The following AGAP3 variants were observed in gnomAD, a reference collection of about 807,000 sequenced individuals.
AGAP3 encodes ArfGAP with GTPase domain, ankyrin repeat and PH domain 3, also known as arf-GAP with GTPase, ANK repeat and PH domain-containing protein 3.
In AGAP3, 24 loss-of-function variants were observed where a neutral mutation model predicts 96.9. The ratio of observed to expected loss-of-function variants is 0.25; its 90% CI spans 0.18 to 0.35. The LOEUF is 0.35. AGAP3 is among the 10% of genes least tolerant of loss of function. The pLI, the probability that AGAP3 is intolerant of heterozygous loss-of-function variation, is 1.00. For missense variants in AGAP3, 876 were observed against 1,254.2 expected (o/e 0.70, Z 4.55); for synonymous variants, 563 against 536.1 (o/e 1.05, Z -0.69).
intron 10 of AGAP3, chr7:151,131,283 A>C (rs909975353): frequency 6.6e-6 from 1 of 152,254 alleles, no homozygotes; most frequent in Non-Finnish European, 1.5e-5. Context: ...TTCTATCTGC[A>C]ACATCAATTA....
At chr7:151,125,227 GAC>G (rs1436263943) in intron 9 of AGAP3, among the ~76,000 whole-genome samples, 1 of 152,198 alleles carries the variant, frequency 6.6e-6, no homozygotes. Context: ...TGGGTGTGTA[GAC>G]ACACTTCACC....
At position 151,115,399 on chromosome 7, in the gene AGAP3, G is replaced by A. The variant is rs568961134; in HGVS notation, c.332-1394G>A. On this transcript the variant is annotated intron_variant, in intron 1 of 17. Transcript: ENST00000397238. ...CGCTCCGAGTCAGGGCTGCTGGCCC[G>A]GCCGCCGCGCGCGCGCACCCGTAGC... 3.4e-3 allele frequency: 3,454 copies of A among 1,019,430 alleles called. 95 individuals carry two copies. The African/African-American group carries it at 0.054, about 16-fold the overall frequency. 63.1% of individuals were successfully genotyped at this position (1,019,430 alleles called of 1,614,324 possible).
In AGAP3 at chr7:151,142,521, T is replaced by A; in HGVS notation, c.2160T>A (p.Asp720Glu). ...HLSRVRSLDLDDWPPELLAVM... is the reference protein window; with the variant it reads ...HLSRVRSLDLEDWPPELLAVM... ...CCCGGGTGCGCTCCCTTGACCTCGA[T>A]GACTGGCCGCCTGAGCTGCTGGCTG... The change falls in exon 16 of 18, where the codon GAT becomes GAA. Residue 720 changes from aspartate to glutamate, a missense_variant. By Grantham distance (45) the Asp-to-Glu change is conservative (BLOSUM62 2). Transcript: ENST00000397238. The surrounding 1 kb of genome is among the most constrained non-coding windows in gnomAD (Gnocchi z 7.5). The A allele has an allele frequency of 6.2e-7, 1 of 1,613,744 alleles. No homozygotes were observed. Among genetic ancestry groups the A allele is most frequent in the Non-Finnish European group, 8.5e-7 (1 of 1,180,012 alleles).
At chr7:151,128,528 C>T (rs372386128) in intron 9 of AGAP3, 52 bp from the exon 10 acceptor site, 1 of 1,518,326 alleles carries the variant, frequency 6.6e-7, no homozygotes, top group African/African-American at 1.4e-5. Flanking sequence ...CTCCTCATGC[C>T]CTATGACCTA....
At chr7:151,111,033 G>A (rs577580666) in intron 1 of AGAP3, among the ~76,000 whole-genome samples, 7 of 152,184 alleles carry the variant, frequency 4.6e-5, no homozygotes, top group Non-Finnish European at 1.0e-4. Context: ...CTCTCCCCCC[G>A]CCCCCCGTCT....
At chr7:151,120,640 G>A in intron 8 of AGAP3, 1 of 1,287,154 alleles carries the variant, frequency 7.8e-7, no homozygotes, top group South Asian at 1.2e-5. Context: ...TTACCCCACT[G>A]CCGAGGGGAA....
rs1244410371 is a variant in AGAP3 at position 151,123,497 on chromosome 7, C to G, written c.1129-297C>G. ...CCCACCGTCCACCTCCTCGCCCCCG[C>G]TTCTCTTACGCCCCCGCCCCGGGCG... On this transcript the variant is annotated intron_variant, in intron 8 of 17. Transcript: ENST00000397238. The G allele has an allele frequency of 3.3e-6, 4 of 1,218,808 alleles. No homozygotes were observed. The African/African-American group carries it at 4.6e-5, about 14-fold the overall frequency. 75.5% of individuals were successfully genotyped at this position (1,218,808 alleles called of 1,614,324 possible).
intron 11 of AGAP3, chr7:151,136,516 A>T (rs917136142): frequency 6.6e-6 from 1 of 152,216 alleles, no homozygotes; most frequent in Non-Finnish European, 1.5e-5. Flanking sequence ...TATCTTTGTT[A>T]CTGTAATTAC....
At chr7:151,102,412 G>A (rs1585047932) in intron 1 of AGAP3, among the ~76,000 whole-genome samples, 1 of 152,168 alleles carries the variant, frequency 6.6e-6, no homozygotes, top group East Asian at 1.9e-4. Context: ...AGCTTCTGCT[G>A]TGGGTGACAG....
intron 3 of AGAP3, 77 bp from the exon 4 acceptor site, chr7:151,117,294 A>G (rs1242132360): frequency 3.4e-5 from 54 of 1,595,690 alleles, no homozygotes; most frequent in Non-Finnish European, 4.6e-5. Context: ...TCCCTCCCGC[A>G]TGGGAAGCTG....
At chr7:151,134,026 G>A (rs563013953) in intron 10 of AGAP3, among the ~76,000 whole-genome samples, 5 of 152,262 alleles carry the variant, frequency 3.3e-5, no homozygotes, top group East Asian at 1.9e-4. Context: ...CCATGTCCCC[G>A]AGTGTCTCCG....
intron 4 of AGAP3, 79 bp from the exon 5 acceptor site, chr7:151,117,557 G>T (rs955760859): frequency 6.2e-7 from 1 of 1,611,736 alleles, no homozygotes; most frequent in Non-Finnish European, 8.5e-7. Context: ...AGGGAGAAGG[G>T]TCTACTTGAG....
At chr7:151,120,499 T>A in intron 8 of AGAP3, 1 of 686,780 alleles carries the variant, frequency 1.5e-6, no homozygotes, top group East Asian at 4.6e-5. Context: ...CTAACTCCCC[T>A]GACCCCCTTT....
rs145770735 is a variant in AGAP3, at chr7:151,125,447, C to T, written c.1221+1561C>T. ...GTAGGTCACTTGGGTGTTTTCACCC[C>T]TAAATCTCAGGGACGCTCAGTAGGA... On this transcript the variant is annotated intron_variant, in intron 9 of 17. Transcript: ENST00000397238. Among the ~76,000 whole-genome samples, 335 of 152,320 alleles carry T rather than the reference C, an allele frequency of 2.2e-3. 3 individuals are homozygous for T. Among genetic ancestry groups the T allele is most frequent in the African/African-American group, 7.6e-3 (314 of 41,572 alleles).
intron 1 of AGAP3, among the ~76,000 whole-genome samples, chr7:151,107,224 CACTTGA>C (rs1309209192): frequency 6.6e-6 from 1 of 151,664 alleles, no homozygotes; most frequent in Non-Finnish European, 1.5e-5. Flanking sequence ...GCAGGAGAAT[CACTTGA>C]ACCCGGGAGG....
At chr7:151,113,796 A>G (rs1245074744) in intron 1 of AGAP3, among the ~76,000 whole-genome samples, 3 of 152,224 alleles carry the variant, frequency 2.0e-5, no homozygotes, top group Admixed American at 6.5e-5. Flanking sequence ...TCTTGCCTCC[A>G]ATTCTGGGTG....
chr7:151,143,752 A>G lies in AGAP3; in HGVS notation c.2545A>G (p.Arg849Gly). 6.2e-7 allele frequency: 1 copy of G among 1,614,154 alleles called. No homozygotes were observed. Among genetic ancestry groups the G allele is most frequent in the Non-Finnish European group, 8.5e-7 (1 of 1,180,040 alleles). Residue 849 changes from arginine to glycine, a missense_variant, in exon 18 of 18, where the codon AGG becomes GGG. Coordinates refer to ENST00000397238, the MANE Select transcript of AGAP3 (RefSeq NM_031946.7). The surrounding 1 kb of genome is among the most constrained non-coding windows in gnomAD (Gnocchi z 5.9). Reference protein sequence around the residue: ...QLLIWYGVDVRSRDARGLTPL... With the variant: ...QLLIWYGVDVGSRDARGLTPL... The stretch of plus-strand genomic sequence containing the variant: ...TCTCCTACAGTACGGGGTGGACGTG[A>G]GGAGCCGGGACGCCCGGGGCCTGAC...
intron 10 of AGAP3, among the ~76,000 whole-genome samples, chr7:151,129,622 C>T (rs1008181497): frequency 1.3e-5 from 2 of 152,186 alleles, no homozygotes; most frequent in East Asian, 3.9e-4. Context: ...CAGGGCAGGG[C>T]CTGGTACCTG....
intron 11 of AGAP3, chr7:151,136,493 G>A (rs1397096282): frequency 6.6e-6 from 1 of 152,248 alleles, no homozygotes; most frequent in Admixed American, 6.5e-5. Context: ...ACCGGGCGAT[G>A]TTAACATCTC....
Sources: gnomAD v4.1 joint callset for allele counts (sites outside exome capture counted in the v4.1 genomes callset) on GRCh38, gnomAD v4.1.1 for gene constraint, Gnocchi (gnomAD v3.1) non-coding constraint, MANE v1.5 for transcripts, NCBI Gene and HGNC (gene_info 2026-07-23, HGNC 2026-07-21) for gene names.